The following MED27 variants were observed in gnomAD, a reference collection of about 807,000 sequenced individuals.
MED27 encodes mediator of RNA polymerase II transcription subunit 27.
A neutral mutation model predicts 38.2 loss-of-function variants in MED27; 30 were observed. That is an observed-to-expected ratio of 0.79 (90% confidence interval 0.59 to 1.07). The LOEUF is 1.07. Among genes scored for constraint, MED27 ranks in the 50% least tolerant of loss-of-function variants. The pLI is 0.00. For synonymous variants in MED27, 122 were observed against 153.5 expected (o/e 0.79, Z 1.52); for missense variants, 289 against 397.5 (o/e 0.73, Z 2.32).
intron 3 of MED27, among the ~76,000 whole-genome samples, chr9:131,960,035 T>C (rs1349296316): frequency 6.6e-6 from 1 of 152,164 alleles, no homozygotes; most frequent in Non-Finnish European, 1.5e-5. Flanking sequence ...AAATGAATAT[T>C]TGCTGTAGCT....
chr9:131,882,782 T>G (rs1839070844), intron 6 of MED27, among the ~76,000 whole-genome samples: 1 of 152,218 alleles, frequency 6.6e-6, no homozygotes, highest in African/African-American at 2.4e-5. Flanking sequence ...GGCCCCCTTG[T>G]GTTTCCTGGC....
intron 4 of MED27, among the ~76,000 whole-genome samples, chr9:131,915,848 A>T (rs2131544340): frequency 6.6e-6 from 1 of 152,374 alleles, no homozygotes; most frequent in South Asian, 2.1e-4. Context: ...AGAAATGGCC[A>T]AGCAAGGATT....
intron 3 of MED27, among the ~76,000 whole-genome samples, chr9:131,974,704 G>A (rs1166581876): frequency 2.0e-5 from 3 of 152,306 alleles, no homozygotes; most frequent in South Asian, 4.1e-4. Flanking sequence ...TGTGGAACAC[G>A]GGAGAGAAGA....
At chr9:131,897,035 TA>T (rs1418396544) in intron 4 of MED27, among the ~76,000 whole-genome samples, 1 of 152,280 alleles carries the variant, frequency 6.6e-6, no homozygotes, top group East Asian at 1.9e-4. Context: ...CAGTCATGTA[TA>T]TTTTCAAATC....
chr9:132,011,739 T>C (rs559363710), intron 3 of MED27, among the ~76,000 whole-genome samples: 6 of 152,234 alleles, frequency 3.9e-5, no homozygotes, highest in African/African-American at 1.4e-4. Flanking sequence ...TACTGGACAG[T>C]AGTTCTATAA....
At chr9:131,887,253 C>T (rs2131491874) in intron 5 of MED27, among the ~76,000 whole-genome samples, 1 of 152,250 alleles carries the variant, frequency 6.6e-6, no homozygotes, top group African/African-American at 2.4e-5. Context: ...ATGGCCTCTC[C>T]AGCCTCATTG....
At chr9:131,904,950 G>A (rs1403221251) in intron 4 of MED27, among the ~76,000 whole-genome samples, 6 of 151,992 alleles carry the variant, frequency 3.9e-5, no homozygotes, top group African/African-American at 1.2e-4. Context: ...ATCTCATCTC[G>A]TCTCCCTTTC....
chr9:131,963,000 T>C (rs770806674), intron 3 of MED27, among the ~76,000 whole-genome samples: 10 of 152,342 alleles, frequency 6.6e-5, no homozygotes, highest in Non-Finnish European at 1.3e-4. Context: ...TTCATCTATT[T>C]TGGTTTGCAA....
At chr9:132,007,524 G>C (rs577217421) in intron 3 of MED27, among the ~76,000 whole-genome samples, 11 of 152,148 alleles carry the variant, frequency 7.2e-5, no homozygotes, top group Non-Finnish European at 8.8e-5. Context: ...ATAGATATCA[G>C]AACAGTAGTT....
At chr9:132,036,983 A>T (rs897306478) in intron 2 of MED27, among the ~76,000 whole-genome samples, 4 of 152,222 alleles carry the variant, frequency 2.6e-5, no homozygotes, top group African/African-American at 9.6e-5. Context: ...GTAAAGTGAC[A>T]GCAACGGAGA....
intron 3 of MED27, among the ~76,000 whole-genome samples, chr9:131,940,348 A>C (rs1476794477): frequency 6.6e-6 from 1 of 152,224 alleles, no homozygotes; most frequent in Non-Finnish European, 1.5e-5. Context: ...GCTGAGACAC[A>C]TAGTGGCTCA....
intron 4 of MED27, among the ~76,000 whole-genome samples, chr9:131,935,584 T>G (rs1208622221): frequency 6.6e-6 from 1 of 152,126 alleles, no homozygotes; most frequent in Admixed American, 6.5e-5. Flanking sequence ...ATATACATAG[T>G]ATGATACTAT....
chr9:132,009,493 A>C (rs1191999053), intron 3 of MED27, among the ~76,000 whole-genome samples: 1 of 152,198 alleles, frequency 6.6e-6, no homozygotes, highest in Non-Finnish European at 1.5e-5. Context: ...CTGGCTCTGG[A>C]GGAGCCAGAA....
At chr9:132,013,357 C>G (rs918324548) in intron 3 of MED27, among the ~76,000 whole-genome samples, 6 of 152,144 alleles carry the variant, frequency 3.9e-5, no homozygotes, top group Non-Finnish European at 5.9e-5. Flanking sequence ...AAATGAAGTT[C>G]AAAGACAGGC....
At chr9:131,891,225 G>A (rs1353397695) in intron 5 of MED27, among the ~76,000 whole-genome samples, 3 of 148,828 alleles carry the variant, frequency 2.0e-5, no homozygotes, top group Non-Finnish European at 2.9e-5. Flanking sequence ...GTGCAAATAC[G>A]TGAAAGAGTC....
chr9:131,923,785 C>T (rs964376265), intron 4 of MED27, among the ~76,000 whole-genome samples: 3 of 152,198 alleles, frequency 2.0e-5, no homozygotes, highest in Non-Finnish European at 4.4e-5. Flanking sequence ...TCAGGTTTCT[C>T]TTTCCTGTGT....
chr9:131,916,412 G>A (rs898695108), intron 4 of MED27, among the ~76,000 whole-genome samples: 48 of 152,168 alleles, frequency 3.2e-4, no homozygotes, highest in Non-Finnish European at 4.7e-4. Context: ...ATAACTCTTC[G>A]AAACAAAGCT....
intron 2 of MED27, among the ~76,000 whole-genome samples, chr9:132,072,540 G>A (rs1234798907): frequency 1.3e-5 from 2 of 152,030 alleles, no homozygotes; most frequent in Admixed American, 1.3e-4. Context: ...TTTTCACAAT[G>A]GCTCCCACGG....
At chr9:131,898,594 ATT>A (rs35060514) in intron 4 of MED27, among the ~76,000 whole-genome samples, 1 of 141,000 alleles carries the variant, frequency 7.1e-6, no homozygotes. Flanking sequence ...GGCTTTATGC[ATT>A]TTTTTTTTTT....
Sources: gnomAD v4.1 joint callset for allele counts (sites outside exome capture counted in the v4.1 genomes callset) on GRCh38, gnomAD v4.1.1 for gene constraint, MANE v1.5 for transcripts, NCBI Gene and HGNC (gene_info 2026-07-23, HGNC 2026-07-21) for gene names.